CPM: variants seen among roughly 807,000 people sequenced by gnomAD.
CPM encodes carboxypeptidase M.
Under a neutral mutation model 46.4 loss-of-function variants are expected in CPM, and 35 were observed. That is an observed-to-expected ratio of 0.75 (90% CI 0.58 to 1.00). CPM has a LOEUF of 1.00. CPM is among the 50% of genes least tolerant of loss of function. CPM has a pLI of 0.00. For missense variants in CPM, 422 were observed against 530.4 expected, an observed-to-expected ratio of 0.80 and a Z score of 2.01; for synonymous variants, 195 against 195.3, an observed-to-expected ratio of 1.00 and a Z score of 0.01.
In CPM at chr12:68,903,094, T is replaced by C. The variant is rs549497609; in HGVS notation, c.161-17205A>G. Among the ~76,000 whole-genome samples the C allele has an allele frequency of 2.0e-5, 3 of 152,364 alleles. No homozygotes were observed. The East Asian group carries it at 5.8e-4, about 29-fold the overall frequency. ...GAGACATTAACTGCCTACAATGTTA[T>C]TGTTAACAAACGTTGTTAACAAAGT... On this transcript the variant is annotated intron_variant, in intron 2 of 8. Transcript: ENST00000551568.
rs936685246 is a variant in CPM, at chr12:68,872,054, TGATATCTCA to T, written c.259-107_259-99del. 7.3e-6 allele frequency: 9 copies of T among 1,229,624 alleles called. No individual in the cohort carries two copies. The Admixed American group carries it at 1.9e-4, about 26-fold the overall frequency. The allele number at this position is 1,229,624 out of a possible 1,614,324, so 76.2% of individuals were successfully genotyped here. A position where few individuals can be genotyped will look rare whatever the true frequency, so the allele number is the denominator to read the frequency against. ...ATTCCCCAATAGGGGTCTCTACACA[TGATATCTCA>T]GACCCAAACTAGTTTGTAAGATCAC... On this transcript the variant is annotated intron_variant, in intron 3 of 8. Transcript: ENST00000551568.
intron 1 of CPM, chr12:68,957,465 G>A: frequency 1.1e-5 from 3 of 270,028 alleles, no homozygotes; most frequent in South Asian, 4.9e-5. Context: ...GCTGGCAAAA[G>A]TTTCCAAAAT....
At chr12:68,886,381 C>CACCTGTAGGTGGCT (rs1886430047) in intron 2 of CPM, among the ~76,000 whole-genome samples, 1 of 151,598 alleles carries the variant, frequency 6.6e-6, no homozygotes, top group East Asian at 1.9e-4. Context: ...GCCTGTAATC[C>CACCTGTAGGTGGCT]CAGCACTCTA....
chr12:68,859,685 T>C (rs899820433), intron 7 of CPM, among the ~76,000 whole-genome samples: 2 of 152,150 alleles, frequency 1.3e-5, no homozygotes, highest in South Asian at 4.1e-4. Context: ...ATTATTATCA[T>C]GATTTTACAG....
chr12:68,940,926 G>C (rs536642405), intron 1 of CPM, among the ~76,000 whole-genome samples: 5 of 151,990 alleles, frequency 3.3e-5, no homozygotes, highest in Non-Finnish European at 7.4e-5. Context: ...TTGTGCAATA[G>C]AGCTCTAGAA....
Position 68,856,252 on chromosome 12 carries a change from T to C in CPM, c.*185A>G. On this transcript the variant is annotated 3_prime_UTR_variant, in exon 9 of 9. Transcript: ENST00000551568. ...TCTTCCATTCACCGTCAAGACTGAA[T>C]CATTCTTTTCATTATCACCACATAT... 3.1e-6 allele frequency: 2 copies of C among 654,938 alleles called. No homozygotes were observed. The highest frequency in any genetic ancestry group is 5.1e-6 in the Non-Finnish European group (2 of 389,710). The allele number at this position is 654,938 out of a possible 1,614,324, so 40.6% of individuals were successfully genotyped here. A position where few individuals can be genotyped will look rare whatever the true frequency, so the allele number is the denominator to read the frequency against.
chr12:68,928,890 C>T (rs1407995659), intron 2 of CPM, among the ~76,000 whole-genome samples: 2 of 150,866 alleles, frequency 1.3e-5, no homozygotes, highest in Non-Finnish European at 1.5e-5. Context: ...CAGGCATGCA[C>T]CATTATGCCT....
intron 2 of CPM, among the ~76,000 whole-genome samples, chr12:68,899,690 T>C (rs1887036543): frequency 6.6e-6 from 1 of 152,350 alleles, no homozygotes; most frequent in South Asian, 2.1e-4. Flanking sequence ...GGAACTGTCC[T>C]AGATTGTGAG....
intron 6 of CPM, 139 bp from the exon 7 acceptor site, chr12:68,867,187 A>G: frequency 1.2e-6 from 1 of 824,776 alleles, no homozygotes; most frequent in East Asian, 2.6e-5. Context: ...TTGTAAAATC[A>G]GGGCTTGACA....
chr12:68,945,858 T>C (rs1372416285), intron 1 of CPM, among the ~76,000 whole-genome samples: 1 of 139,402 alleles, frequency 7.2e-6, no homozygotes, highest in Non-Finnish European at 1.6e-5. Context: ...TTTTTTTTTT[T>C]TTTTTTTTTT....
intron 1 of CPM, among the ~76,000 whole-genome samples, chr12:68,950,504 G>C (rs11177414): frequency 0.11 from 16,797 of 152,190 alleles, 1,155 homozygotes; most frequent in Non-Finnish European, 0.15. Flanking sequence ...GTTGTGGATT[G>C]ATTGGGCCAC....
intron 1 of CPM, among the ~76,000 whole-genome samples, chr12:68,950,302 A>G (rs1037065228): frequency 1.3e-5 from 2 of 152,220 alleles, no homozygotes; most frequent in African/African-American, 4.8e-5. Context: ...AGGGTATTGA[A>G]AAAGGTAGGA....
chr12:68,852,912 G>A lies in CPM; in HGVS notation c.*3525C>T, dbSNP rs573875697. 3.3e-5 allele frequency: 5 copies of A among 152,284 alleles called. No individual in the cohort carries two copies. In the South Asian group the frequency reaches 1.0e-3, roughly 32 times the overall value. The allele number at this position is 152,284 out of a possible 1,614,324, so 9.4% of individuals were successfully genotyped here. ...CCCACATTTTTCTCCCATCATGAAA[G>A]TGTGTATCAGGTTGGTTTCTCTATA... On this transcript the variant is annotated 3_prime_UTR_variant, in exon 9 of 9. Transcript: ENST00000551568.
intron 1 of CPM, among the ~76,000 whole-genome samples, chr12:68,947,471 C>T (rs1054921273): frequency 6.6e-6 from 1 of 151,914 alleles, no homozygotes; most frequent in African/African-American, 2.4e-5. Context: ...GTGGCATGCA[C>T]CTGTAATCCC....
intron 2 of CPM, among the ~76,000 whole-genome samples, chr12:68,932,004 A>G (rs1474877882): frequency 6.6e-6 from 1 of 152,170 alleles, no homozygotes; most frequent in Non-Finnish European, 1.5e-5. Flanking sequence ...AAGAGTTTCA[A>G]TCACTACTAA....
rs370601762 is a variant in CPM, at chr12:68,959,700, T to C, written c.-4+3469A>G. ...GAGGGTGAAGAGAGGGTTTGCTGGG[T>C]GCTTCTCACATGCTAGCATCGTGTT... is the stretch of plus-strand genomic sequence containing the variant. On this transcript the variant is annotated intron_variant, in intron 1 of 8. Transcript: ENST00000546373. 5.8e-3 allele frequency among the ~76,000 whole-genome samples: 890 copies of C among 152,308 alleles called. 11 individuals carry two copies. The highest frequency in any genetic ancestry group is 0.037 in the South Asian group (178 of 4,820).
At chr12:68,950,757 G>A (rs1233205598) in intron 1 of CPM, among the ~76,000 whole-genome samples, 5 of 152,190 alleles carry the variant, frequency 3.3e-5, no homozygotes, top group Non-Finnish European at 7.3e-5. Flanking sequence ...CTAAGGTGCC[G>A]CTGTTCTTCA....
chr12:68,858,039 C>T (rs904974524), intron 8 of CPM, among the ~76,000 whole-genome samples: 1 of 152,084 alleles, frequency 6.6e-6, no homozygotes, highest in African/African-American at 2.4e-5. Context: ...GGGGAGAACC[C>T]ATGGAGCATG....
chr12:68,896,477 A>G (rs1886881305), intron 2 of CPM, among the ~76,000 whole-genome samples: 1 of 152,192 alleles, frequency 6.6e-6, no homozygotes, highest in Non-Finnish European at 1.5e-5. Flanking sequence ...TGAATGGATG[A>G]TTGGATAAAT....
Sources: allele counts gnomAD v4.1 joint callset (sites outside exome capture counted in the v4.1 genomes callset), GRCh38; gene constraint gnomAD v4.1.1; transcripts MANE v1.5; gene names NCBI Gene and HGNC (gene_info 2026-07-23, HGNC 2026-07-21).